The following USP10 variants were observed in gnomAD, a reference collection of about 807,000 sequenced individuals.
The protein encoded by USP10 is ubiquitin specific peptidase 10.
Under a neutral mutation model 84.5 loss-of-function variants are expected in USP10, and 22 were observed. The observed-to-expected ratio is 0.26, with a 90% confidence interval of 0.19 to 0.37. USP10 has a LOEUF of 0.37. Ranked by LOEUF, USP10 falls within the 10% of genes least tolerant of loss-of-function variation. USP10 has a pLI of 1.00. For missense variants in USP10, 1,019 were observed against 998.9 expected, an observed-to-expected ratio of 1.02 and a Z score of -0.27; for synonymous variants, 454 against 387.6, an observed-to-expected ratio of 1.17 and a Z score of -2.01.
chr16:84,704,331 A>G (rs1905224019), intron 1 of USP10, among the ~76,000 whole-genome samples: 1 of 152,248 alleles, frequency 6.6e-6, no homozygotes, highest in South Asian at 2.1e-4. Flanking sequence ...TGAATTTGTA[A>G]TTAGGCTGTT....
At chr16:84,731,113 G>A (rs1376096127) in intron 1 of USP10, among the ~76,000 whole-genome samples, 1 of 150,812 alleles carries the variant, frequency 6.6e-6, no homozygotes, top group Non-Finnish European at 1.5e-5. Flanking sequence ...CTGAGTAGCT[G>A]GGACTACAGG....
intron 1 of USP10, among the ~76,000 whole-genome samples, chr16:84,712,476 T>C (rs1239689670): frequency 6.6e-6 from 1 of 152,170 alleles, no homozygotes; most frequent in Admixed American, 6.5e-5. Context: ...GTTGGATCGG[T>C]TAATTGGCAG....
intron 11 of USP10, among the ~76,000 whole-genome samples, chr16:84,769,808 C>A (rs1312655885): frequency 3.3e-5 from 5 of 151,974 alleles, no homozygotes; most frequent in African/African-American, 4.8e-5. Flanking sequence ...GCTGCAATTA[C>A]AGTTTGACTT....
At chr16:84,773,010 C>T (rs1423596455) in intron 12 of USP10, among the ~76,000 whole-genome samples, 4 of 152,136 alleles carry the variant, frequency 2.6e-5, no homozygotes, top group Admixed American at 2.6e-4. Context: ...CGAGTATTAA[C>T]AGCTGTGTTG....
chr16:84,715,586 T>G (rs1238828323), intron 1 of USP10, among the ~76,000 whole-genome samples: 1 of 152,128 alleles, frequency 6.6e-6, no homozygotes, highest in African/African-American at 2.4e-5. Flanking sequence ...TGCCCAACTA[T>G]CCTTTTATCT....
chr16:84,760,222 C>T lies in USP10; in HGVS notation c.1501C>T (p.Pro501Ser). Reference sequence around the variant, plus strand: ...TATTCGCCCTGGAGCTGCCTTTGAGCCCACATATATTTACAGACTCCTGAC... The same window carrying T: ...TATTCGCCCTGGAGCTGCCTTTGAGTCCACATATATTTACAGACTCCTGAC... Reference protein sequence around the residue: ...RDIRPGAAFEPTYIYRLLTVN... With the variant: ...RDIRPGAAFESTYIYRLLTVN... Residue 501 changes from proline (P) to serine (S), a missense_variant, in exon 8 of 14, where the codon CCC (proline) becomes TCC (serine). Physicochemically the swap from Pro to Ser is moderately conservative, Grantham distance 74. Coordinates refer to ENST00000219473, the MANE Select transcript of USP10 (RefSeq NM_005153.3). 6.2e-7 allele frequency: 1 copy of T among 1,611,308 alleles called. No homozygotes were observed. The highest frequency in any genetic ancestry group is 8.5e-7 in the Non-Finnish European group (1 of 1,178,630).
intron 4 of USP10, among the ~76,000 whole-genome samples, chr16:84,758,168 G>A (rs1010604617): frequency 1.3e-5 from 2 of 152,180 alleles, no homozygotes; most frequent in African/African-American, 2.4e-5. Context: ...TCTAGTGGAC[G>A]GTTTAATTTG....
At chr16:84,712,253 C>T (rs368012900) in intron 1 of USP10, among the ~76,000 whole-genome samples, 1 of 152,156 alleles carries the variant, frequency 6.6e-6, no homozygotes, top group South Asian at 2.1e-4. Flanking sequence ...GTACAGAGGC[C>T]CTTGTGGTCC....
At chr16:84,749,541 G>T (rs1448416035) in intron 4 of USP10, among the ~76,000 whole-genome samples, 1 of 151,492 alleles carries the variant, frequency 6.6e-6, no homozygotes, top group Non-Finnish European at 1.5e-5. Flanking sequence ...GGAGTTCGAG[G>T]CCAGCCTGGG....
chr16:84,733,175 G>T, intron 1 of USP10: 1 of 536,596 alleles, frequency 1.9e-6, no homozygotes, highest in Non-Finnish European at 3.5e-6. Context: ...GACAAGTTTG[G>T]CATACAAAAT....
At chr16:84,774,497 T>TTTCTTCGAGACAGAG (rs1217094267) in intron 12 of USP10, among the ~76,000 whole-genome samples, 1 of 150,226 alleles carries the variant, frequency 6.7e-6, no homozygotes, top group Non-Finnish European at 1.5e-5. Flanking sequence ...GTTTGTTTTT[T>TTTCTTCGAGACAGAG]TCTTGCTCTG....
At chr16:84,738,920 C>G (rs947554676) in intron 2 of USP10, among the ~76,000 whole-genome samples, 2 of 152,220 alleles carry the variant, frequency 1.3e-5, no homozygotes, top group South Asian at 4.1e-4. Context: ...CTTTGCGGCC[C>G]TAGGGCCGTT....
intron 10 of USP10, among the ~76,000 whole-genome samples, chr16:84,765,765 T>G (rs1913786734): frequency 6.6e-6 from 1 of 152,140 alleles, no homozygotes; most frequent in African/African-American, 2.4e-5. Flanking sequence ...GGAGGTCTTT[T>G]TTACACAGAC....
At chr16:84,726,042 C>T (rs1908427049) in intron 1 of USP10, among the ~76,000 whole-genome samples, 1 of 152,178 alleles carries the variant, frequency 6.6e-6, no homozygotes, top group Non-Finnish European at 1.5e-5. Context: ...CCACCTGCCT[C>T]GGAAACTGCA....
chr16:84,747,966 C>T (rs1231849605), intron 4 of USP10, among the ~76,000 whole-genome samples: 2 of 151,582 alleles, frequency 1.3e-5, no homozygotes, highest in Non-Finnish European at 2.9e-5. Context: ...TCCTGGCTAA[C>T]ACGGTGAAAC....
intron 1 of USP10, among the ~76,000 whole-genome samples, chr16:84,723,476 G>T (rs1044941864): frequency 1.3e-5 from 2 of 152,198 alleles, no homozygotes; most frequent in Non-Finnish European, 2.9e-5. Context: ...ACCATTCAGA[G>T]TGATCAAGTT....
chr16:84,776,193 T>A (rs907477693), intron 13 of USP10, among the ~76,000 whole-genome samples: 4 of 152,230 alleles, frequency 2.6e-5, no homozygotes, highest in African/African-American at 9.6e-5. Context: ...CACTCTGGCC[T>A]GCAGTGGCAG....
chr16:84,744,398 C>A (rs1340141386), intron 3 of USP10, among the ~76,000 whole-genome samples: 2 of 152,160 alleles, frequency 1.3e-5, no homozygotes, highest in Admixed American at 6.5e-5. Context: ...CTTCTGAAAG[C>A]CTTCCTTAGC....
intron 3 of USP10, among the ~76,000 whole-genome samples, chr16:84,742,777 G>A (rs1242519590): frequency 6.6e-6 from 1 of 152,156 alleles, no homozygotes; most frequent in Admixed American, 6.5e-5. Flanking sequence ...CTAGGAATCT[G>A]CCTTCTAGTG....
Sources: gnomAD v4.1 joint callset for allele counts (sites outside exome capture counted in the v4.1 genomes callset) on GRCh38, gnomAD v4.1.1 for gene constraint, MANE v1.5 for transcripts, NCBI Gene and HGNC (gene_info 2026-07-23, HGNC 2026-07-21) for gene names.